The following DRC8 variants were observed in gnomAD, a reference collection of about 807,000 sequenced individuals.
The protein encoded by DRC8 is dynein regulatory complex protein 8.
chr1:245,048,159 G>A, the DRC8 span, among the ~76,000 whole-genome samples: 4 of 152,122 alleles, frequency 2.6e-5, no homozygotes. Context: ...AAGTGGGCTT[G>A]TGTTGTTCAC....
At chr1:245,104,699 G>C in the DRC8 span, among the ~76,000 whole-genome samples, 2 of 151,982 alleles carry the variant, frequency 1.3e-5, no homozygotes, top group Admixed American at 6.5e-5. Context: ...TAAATGCTTT[G>C]ATGTTATCTT....
chr1:245,120,350 C>A, the DRC8 span, among the ~76,000 whole-genome samples: 2 of 152,274 alleles, frequency 1.3e-5, no homozygotes, highest in East Asian at 3.9e-4. Flanking sequence ...TGTATAAATA[C>A]CCACCTCATC....
the DRC8 span, among the ~76,000 whole-genome samples, chr1:245,024,524 A>G: frequency 6.7e-6 from 1 of 149,094 alleles, no homozygotes; most frequent in Non-Finnish European, 1.5e-5. Context: ...CTCAGTGTTA[A>G]TTTTCTTTTT....
the DRC8 span, chr1:245,107,182 T>C: frequency 2.0e-5 from 3 of 152,356 alleles, no homozygotes; most frequent in African/African-American, 7.2e-5. Flanking sequence ...CATAAATGGC[T>C]ACGTCAAGGA....
the DRC8 span, chr1:245,082,160 AAAGT>A: frequency 2.5e-6 from 4 of 1,610,138 alleles, no homozygotes; most frequent in Admixed American, 3.3e-5. Context: ...TACTAGAAAG[AAAGT>A]AAGTAAGTAA....
At chr1:244,978,638 T>A in the DRC8 span, among the ~76,000 whole-genome samples, 1 of 152,052 alleles carries the variant, frequency 6.6e-6, no homozygotes, top group South Asian at 2.1e-4. Context: ...TGCAGGGGCG[T>A]GCCACTGTGC....
At chr1:244,985,632 G>A in the DRC8 span, among the ~76,000 whole-genome samples, 2 of 152,280 alleles carry the variant, frequency 1.3e-5, no homozygotes, top group East Asian at 1.9e-4. Flanking sequence ...GGGAGGCCAA[G>A]GTGGGCAGAT....
At chr1:245,006,236 TGAGA>T in the DRC8 span, among the ~76,000 whole-genome samples, 1 of 152,052 alleles carries the variant, frequency 6.6e-6, no homozygotes, top group Admixed American at 6.6e-5. Flanking sequence ...GAATGGGAAG[TGAGA>T]GAAAGGAGAC....
the DRC8 span, among the ~76,000 whole-genome samples, chr1:245,060,759 C>T: frequency 1.3e-5 from 2 of 152,178 alleles, no homozygotes; most frequent in Non-Finnish European, 2.9e-5. Context: ...ATGAAAAATA[C>T]CTCCGAAGGT....
At chr1:245,046,395 C>T in the DRC8 span, among the ~76,000 whole-genome samples, 1 of 150,968 alleles carries the variant, frequency 6.6e-6, no homozygotes, top group Non-Finnish European at 1.5e-5. Flanking sequence ...TTCTCGCTGT[C>T]TCTTTTATTC....
At chr1:244,991,554 C>G in the DRC8 span, among the ~76,000 whole-genome samples, 4 of 152,082 alleles carry the variant, frequency 2.6e-5, no homozygotes, top group Non-Finnish European at 4.4e-5. Context: ...TATTCTGATT[C>G]CATTATTGTA....
At chr1:245,075,916 C>T in the DRC8 span, among the ~76,000 whole-genome samples, 2 of 152,138 alleles carry the variant, frequency 1.3e-5, no homozygotes, top group Admixed American at 1.3e-4. Flanking sequence ...TTTTTCAGTC[C>T]AAAGAGGCCA....
At chr1:245,046,192 CTTG>C in the DRC8 span, among the ~76,000 whole-genome samples, 1 of 152,086 alleles carries the variant, frequency 6.6e-6, no homozygotes, top group African/African-American at 2.4e-5. Flanking sequence ...TGTCTAATGT[CTTG>C]TTTTCTTATT....
chr1:245,021,092 CT>C, the DRC8 span, among the ~76,000 whole-genome samples: 313 of 152,186 alleles, frequency 2.1e-3, 3 homozygotes, highest in African/African-American at 7.2e-3. Flanking sequence ...TCTAAATATA[CT>C]TTTTGTTTTG....
chr1:245,084,928 TA>T, the DRC8 span, among the ~76,000 whole-genome samples: 2 of 152,232 alleles, frequency 1.3e-5, no homozygotes, highest in Non-Finnish European at 1.5e-5. Context: ...CCTTCGGGAT[TA>T]ATTCTGATGG....
At chr1:245,096,536 G>C in the DRC8 span, among the ~76,000 whole-genome samples, 1,400 of 152,334 alleles carry the variant, frequency 9.2e-3, 25 homozygotes, top group African/African-American at 0.032. Flanking sequence ...GTCCTTGAGA[G>C]ATTTCAGCCT....
the DRC8 span, among the ~76,000 whole-genome samples, chr1:245,067,531 A>T: frequency 3.3e-5 from 5 of 152,222 alleles, no homozygotes; most frequent in African/African-American, 1.2e-4. Context: ...TTCATCTTGG[A>T]TGGAAAGTAT....
At chr1:245,086,662 A>G in the DRC8 span, 1 of 515,150 alleles carries the variant, frequency 1.9e-6, no homozygotes, top group Non-Finnish European at 4.0e-6. Context: ...TGCTGCTTCT[A>G]TGCCAGGTAC....
At chr1:245,117,859 C>T in the DRC8 span, among the ~76,000 whole-genome samples, 1 of 151,922 alleles carries the variant, frequency 6.6e-6, no homozygotes, top group African/African-American at 2.4e-5. Context: ...GTCCCAGCTG[C>T]TTGGGAGGCT....
Sources: gnomAD v4.1 joint callset for allele counts (sites outside exome capture counted in the v4.1 genomes callset) on GRCh38, gnomAD v4.1.1 for gene constraint, MANE v1.5 for transcripts, NCBI Gene and HGNC (gene_info 2026-07-23, HGNC 2026-07-21) for gene names.